Variants in COBL observed in about 807,000 individuals in gnomAD.
COBL encodes cordon-bleu WH2 repeat protein.
Under a neutral mutation model 98.8 loss-of-function variants are expected in COBL, and 51 were observed. That is an observed-to-expected ratio of 0.52 (90% CI 0.41 to 0.65). The LOEUF is 0.65. Ranked by LOEUF, COBL falls within the 30% of genes least tolerant of loss-of-function variation. COBL has a pLI of 0.00. For missense variants in COBL, 1,617 were observed against 1,617.5 expected, an observed-to-expected ratio of 1.00 and a Z score of 0.01; for synonymous variants, 634 against 651.7, an observed-to-expected ratio of 0.97 and a Z score of 0.41.
At chr7:51,158,029 C>A (rs1292006375) in intron 5 of COBL, among the ~76,000 whole-genome samples, 1 of 152,048 alleles carries the variant, frequency 6.6e-6, no homozygotes, top group Non-Finnish European at 1.5e-5. Context: ...GGGTTGCTGC[C>A]CCTGGGGAAG....
rs6950779 is a variant in COBL, at chr7:51,078,853, T to C, written c.1096+6313A>G. The stretch of plus-strand genomic sequence containing the variant: ...AAGGGCCTCAGCGCCTCGCTGGCAG[T>C]TGGCTGAAGTCTCCCTCAGCTCCTT... On this transcript the variant is annotated intron_variant, in intron 7 of 12. Transcript: ENST00000265136. 3.3e-5 allele frequency among the ~76,000 whole-genome samples: 5 copies of C among 152,042 alleles called. No homozygotes were observed. The East Asian group carries it at 9.6e-4, about 29-fold the overall frequency.
chr7:51,144,400 G>A (rs576655561), intron 5 of COBL, among the ~76,000 whole-genome samples: 7 of 152,138 alleles, frequency 4.6e-5, no homozygotes, highest in African/African-American at 7.2e-5. Context: ...GCAGAGGTTC[G>A]AAAACTCAGC....
intron 7 of COBL, among the ~76,000 whole-genome samples, chr7:51,045,456 C>T (rs1789598610): frequency 1.3e-5 from 2 of 152,136 alleles, no homozygotes; most frequent in Non-Finnish European, 2.9e-5. Context: ...ATGGTCACAC[C>T]AACTCTCGGT....
chr7:51,283,803 C>T (rs1800024651), intron 1 of COBL, among the ~76,000 whole-genome samples: 1 of 151,852 alleles, frequency 6.6e-6, no homozygotes. Context: ...AGCTTAAGAA[C>T]ATTATGAAAA....
chr7:51,106,572 C>A (rs1279289303), intron 6 of COBL, among the ~76,000 whole-genome samples: 2 of 152,164 alleles, frequency 1.3e-5, no homozygotes, highest in African/African-American at 4.8e-5. Context: ...TAGTCATTTG[C>A]TGTTAGATAA....
At chr7:51,145,289 C>T (rs142291981) in intron 5 of COBL, among the ~76,000 whole-genome samples, 13,583 of 151,246 alleles carry the variant, frequency 0.09, 675 homozygotes, top group Admixed American at 0.16. Context: ...GTGCTGGGAT[C>T]ATAGGTGTGA....
chr7:51,167,116 G>A (rs1787396244), intron 5 of COBL, among the ~76,000 whole-genome samples: 1 of 152,094 alleles, frequency 6.6e-6, no homozygotes, highest in Non-Finnish European at 1.5e-5. Context: ...AACCAGACAA[G>A]AGAAAGATAT....
At chr7:51,057,538 T>C (rs1013615285) in intron 7 of COBL, among the ~76,000 whole-genome samples, 1 of 152,184 alleles carries the variant, frequency 6.6e-6, no homozygotes, top group Non-Finnish European at 1.5e-5. Flanking sequence ...GCCTTGGCAC[T>C]GTGCGTCTGC....
intron 8 of COBL, among the ~76,000 whole-genome samples, chr7:51,036,552 C>T (rs754914776): frequency 6.6e-5 from 10 of 152,012 alleles, no homozygotes; most frequent in Non-Finnish European, 1.3e-4. Flanking sequence ...CCCTCTGCAC[C>T]TCTCACTACA....
chr7:51,159,946 G>A (rs1318191589), intron 5 of COBL, among the ~76,000 whole-genome samples: 1 of 152,220 alleles, frequency 6.6e-6, no homozygotes, highest in Non-Finnish European at 1.5e-5. Context: ...AGGCTGGAGT[G>A]CAATGGCACG....
At chr7:51,308,827 A>C (rs1457915973) in intron 1 of COBL, among the ~76,000 whole-genome samples, 2 of 152,192 alleles carry the variant, frequency 1.3e-5, no homozygotes, top group Non-Finnish European at 2.9e-5. Flanking sequence ...ACATCATAAA[A>C]AGCAAAGGAC....
chr7:51,225,986 G>A (rs1033871321), intron 1 of COBL, among the ~76,000 whole-genome samples: 3 of 152,314 alleles, frequency 2.0e-5, no homozygotes, highest in African/African-American at 7.2e-5. Context: ...AAATTCATGC[G>A]TCTCTGTACT....
Position 51,190,875 on chromosome 7 carries a change from C to A in COBL, c.660G>T (p.Glu220Asp). The change falls in exon 4 of 13, where the codon GAG (glutamate) becomes GAT (aspartate). Residue 220 changes from glutamate (E) to aspartate (D), a missense_variant. Coordinates refer to ENST00000265136, the MANE Select transcript of COBL (RefSeq NM_015198.5). ...CTCTTCTGTTGTCCCACGCGTAGAG[C>A]TCCTTTATCCCGAGCTCGTTCAGGG... ...SKSLNELGIK[E>D]LYAWDNRRET... 1 of 1,614,050 alleles carries A rather than the reference C, an allele frequency of 6.2e-7. No homozygotes were observed. The highest frequency in any genetic ancestry group is 8.5e-7 in the Non-Finnish European group (1 of 1,179,980).
intron 1 of COBL, among the ~76,000 whole-genome samples, chr7:51,275,242 C>T (rs1584377929): frequency 1.3e-5 from 2 of 152,202 alleles, no homozygotes; most frequent in East Asian, 1.9e-4. Context: ...AGTGTCCAGG[C>T]TGCCCTCCTG....
At chr7:51,268,996 T>C (rs924261148) in intron 1 of COBL, among the ~76,000 whole-genome samples, 4 of 150,428 alleles carry the variant, frequency 2.7e-5, no homozygotes, top group Admixed American at 6.6e-5. Flanking sequence ...GGAGCAGTTG[T>C]GCCAGCCCTT....
At chr7:51,192,863 G>C (rs1563019911) in intron 3 of COBL, among the ~76,000 whole-genome samples, 1 of 151,988 alleles carries the variant, frequency 6.6e-6, no homozygotes, top group Non-Finnish European at 1.5e-5. Flanking sequence ...TGTCCAATCA[G>C]GTAGCCATTA....
At chr7:51,316,130 C>A (rs893610389) in intron 1 of COBL, among the ~76,000 whole-genome samples, 1 of 152,172 alleles carries the variant, frequency 6.6e-6, no homozygotes, top group Non-Finnish European at 1.5e-5. Context: ...GATCCTGGGG[C>A]TGCCGCCGAG....
intron 7 of COBL, chr7:51,065,544 A>G (rs1264540120): frequency 3.3e-6 from 2 of 612,730 alleles, no homozygotes; most frequent in African/African-American, 1.8e-5. Flanking sequence ...GGTGGGCTAC[A>G]GCCAGCTTTG....
chr7:51,094,751 T>A (rs1165957883), intron 6 of COBL, among the ~76,000 whole-genome samples: 1 of 152,130 alleles, frequency 6.6e-6, no homozygotes, highest in African/African-American at 2.4e-5. Context: ...CACAATAGTG[T>A]GTGAATAATT....
Sources: gnomAD v4.1 joint callset for allele counts (sites outside exome capture counted in the v4.1 genomes callset) on GRCh38, gnomAD v4.1.1 for gene constraint, MANE v1.5 for transcripts, NCBI Gene and HGNC (gene_info 2026-07-23, HGNC 2026-07-21) for gene names.